TBX3: variants seen among roughly 807,000 people sequenced by gnomAD.
TBX3 encodes the protein T-box transcription factor 3, also known as T-box transcription factor TBX3.
In TBX3, 11 loss-of-function variants were observed where a neutral mutation model predicts 47.8. The observed-to-expected ratio is 0.23, with a 90% CI of 0.14 to 0.38. The LOEUF (loss-of-function observed/expected upper bound fraction) is 0.38. Among genes scored for constraint, TBX3 ranks in the 10% least tolerant of loss-of-function variants. The pLI, the probability that TBX3 is intolerant of heterozygous loss-of-function variation, is 1.00. For missense variants in TBX3, 927 were observed against 1,022.8 expected, an observed-to-expected ratio of 0.91 and a Z score of 1.28; for synonymous variants, 500 against 449.3, an observed-to-expected ratio of 1.11 and a Z score of -1.43.
At position 114,681,182 on chromosome 12, in the gene TBX3, T is replaced by G. The variant is rs375351526; in HGVS notation, c.390-36A>C. 3 of 1,612,664 alleles carry G rather than the reference T, an allele frequency of 1.9e-6. No homozygotes were observed. In the African/African-American group the frequency reaches 4.0e-5, roughly 22 times the overall value. On this transcript the variant is annotated intron_variant, in intron 1 of 6. Transcript: ENST00000349155. ...AAAGAATAGAAAAGAAAAAGAAAGA[T>G]AAACCACCCGTAATCTTGGGTTTGA...
chr12:114,672,092 G>A lies in TBX3; in HGVS notation c.1921C>T (p.Pro641Ser), dbSNP rs2121376374. The change falls in exon 7 of 7, where the codon CCC becomes TCC. Residue 641 changes from proline (P) to serine (S), a missense_variant. By Grantham distance (74) the Pro-to-Ser change is moderately conservative. Coordinates refer to ENST00000349155, the MANE Select transcript of TBX3 (RefSeq NM_005996.4). ...GGCCCCGCGGCCGCCGCCATGGAGGGCAGGGCGGTGGTGAGCAGACTGCTG... is the reference window on the plus strand; with the variant it reads ...GGCCCCGCGGCCGCCGCCATGGAGGACAGGGCGGTGGTGAGCAGACTGCTG... ...DGSSLLTTALPSMAAAAGPLD... is the reference protein window; with the variant it reads ...DGSSLLTTALSSMAAAAGPLD... 6.4e-7 allele frequency: 1 copy of A among 1,568,642 alleles called. No homozygotes were observed. The highest frequency in any genetic ancestry group is 8.6e-7 in the Non-Finnish European group (1 of 1,157,050).
intron 2 of TBX3, chr12:114,679,915 G>A: frequency 6.2e-7 from 1 of 1,614,008 alleles, no homozygotes; most frequent in Non-Finnish European, 8.5e-7. Context: ...TAGCCTACCT[G>A]AGTACCAAAA....
Position 114,683,384 on chromosome 12 carries a change from G to C in TBX3, c.-184C>G. ...CTAATGCACTTCAAAGGGAGGAGGG[G>C]AAGTGTCTTTTGGAGAATGGGAGGC... On this transcript the variant is annotated 5_prime_UTR_variant, in exon 1 of 7. Transcript: ENST00000349155. This position sits in a 1 kb window ranked among gnomAD's most constrained non-coding sequence, Gnocchi z 7.7. The C allele has an allele frequency of 2.5e-6, 2 of 801,516 alleles. No individual in the cohort carries two copies. Among genetic ancestry groups the C allele is most frequent in the Non-Finnish European group, 3.8e-6 (2 of 526,538 alleles). The allele number at this position is 801,516 out of a possible 1,614,324, so 49.7% of individuals were successfully genotyped here.
rs2121382831 is a variant in TBX3, at chr12:114,674,390, C to G, written c.1485G>C (p.Gly495=). The change falls in exon 6 of 7, where the codon GGG becomes GGC. Residue 495 remains glycine, a synonymous_variant. Transcript: ENST00000349155. ...PGLAGQQFFN[G]HPLFLHPSQF... ...GGCTGGGGTGCAGGAAGAGCGGGTG[C>G]CCGTTGAAGAACTGTTGGCCCGCCA... 1 of 1,552,362 alleles carries G rather than the reference C, an allele frequency of 6.4e-7. No homozygotes were observed. The highest frequency in any genetic ancestry group is 1.2e-5 in the South Asian group (1 of 84,210).
rs989463404 is a variant in TBX3, at chr12:114,671,421, T to A, written c.*420A>T. On this transcript the variant is annotated 3_prime_UTR_variant, in exon 7 of 7. Transcript: ENST00000349155. ...ATGTTAATGTGTTCACTTGTCCCGA[T>A]TTTTTTTTTGAAAGATTTTGTTTTT... 3.2e-5 allele frequency: 8 copies of A among 250,114 alleles called. No homozygotes were observed. The allele number at this position is 250,114 out of a possible 1,614,324, so 15.5% of individuals were successfully genotyped here.
rs1869071596 is a variant in TBX3 at position 114,683,946 on chromosome 12, C to G, written c.-746G>C. ...ATCCAAATCTTGCTGGGCTCTTCTC[C>G]CGTGCCTCTCTCTCTTCCTTGTCCT... On this transcript the variant is annotated 5_prime_UTR_variant, in exon 1 of 7. Coordinates refer to ENST00000349155, the MANE Select transcript of TBX3 (RefSeq NM_005996.4). The surrounding 1 kb of genome is among the most constrained non-coding windows in gnomAD (Gnocchi z 7.7). 1 of 231,678 alleles carries G rather than the reference C, an allele frequency of 4.3e-6. No homozygotes were observed. Among genetic ancestry groups the G allele is most frequent in the Admixed American group, 5.6e-5 (1 of 17,722 alleles). The allele number at this position is 231,678 out of a possible 1,614,324, so 14.4% of individuals were successfully genotyped here.
chr12:114,679,680 A>G (rs1472549440), intron 2 of TBX3, 29 bp from the exon 3 acceptor site: 2 of 1,614,100 alleles, frequency 1.2e-6, no homozygotes, highest in East Asian at 2.2e-5. Flanking sequence ...GGAGACATAC[A>G]TAAAACAAGG....
intron 6 of TBX3, 141 bp from the exon 7 acceptor site, chr12:114,672,443 T>TA: frequency 2.0e-6 from 1 of 495,046 alleles, no homozygotes; most frequent in Non-Finnish European, 3.1e-6. Flanking sequence ...TGTGTTTTTT[T>TA]TTTTGGGGGG....
rs1868408521 is a variant in TBX3, at chr12:114,671,265, A to G, written c.*576T>C. ...AAAACATCACAAGAATATTAAAAAG[A>G]CACAGATTTTCTTAATATAGACTAA... On this transcript the variant is annotated 3_prime_UTR_variant, in exon 7 of 7. Transcript: ENST00000349155. 1 of 233,240 alleles carries G rather than the reference A, an allele frequency of 4.3e-6. No homozygotes were observed. The highest frequency in any genetic ancestry group is 1.8e-4 in the South Asian group (1 of 5,706). 14.4% of individuals were successfully genotyped at this position (233,240 alleles called of 1,614,324 possible). A position where few individuals can be genotyped will look rare whatever the true frequency, so the allele number is the denominator to read the frequency against.
Position 114,672,248 on chromosome 12 carries a change from CCATGTA to C in TBX3, c.1759_1764del (p.Tyr587_Met588del). 6.3e-7 allele frequency: 1 copy of C among 1,575,620 alleles called. No homozygotes were observed. Among genetic ancestry groups the C allele is most frequent in the Non-Finnish European group, 8.6e-7 (1 of 1,161,524 alleles). On this transcript the variant is annotated inframe_deletion, in exon 7 of 7. Coordinates refer to ENST00000349155, the MANE Select transcript of TBX3 (RefSeq NM_005996.4). ...GCAGAGGAGGCGGCCGCCGCTGCGG[CCATGTA>C]CGTGTAGGGGTAAGGGAACAGGCTT...
intron 2 of TBX3, chr12:114,679,943 C>T (rs145342138): frequency 1.4e-5 from 23 of 1,613,950 alleles, no homozygotes; most frequent in Middle Eastern, 3.3e-4. Flanking sequence ...TCCCCTGCCA[C>T]GTAGCGTGAT....
rs1868430325 is a variant in TBX3 at position 114,671,656 on chromosome 12, A to T, written c.*185T>A. ...AATCTGATCCAGATCCCGGACATAT[A>T]AACCACGCCAAGAAGACAGGGGCTG... is the stretch of plus-strand genomic sequence containing the variant. On this transcript the variant is annotated 3_prime_UTR_variant, in exon 7 of 7. Coordinates refer to ENST00000349155, the MANE Select transcript of TBX3 (RefSeq NM_005996.4). 3 of 737,244 alleles carry T rather than the reference A, an allele frequency of 4.1e-6. No individual in the cohort carries two copies. The highest frequency in any genetic ancestry group is 6.7e-6 in the Non-Finnish European group (3 of 445,166). 45.7% of individuals were successfully genotyped at this position (737,244 alleles called of 1,614,324 possible). A position where few individuals can be genotyped will look rare whatever the true frequency, so the allele number is the denominator to read the frequency against.
Position 114,672,106 on chromosome 12 carries a change from A to G in TBX3, c.1907T>C (p.Leu636Pro). The change falls in exon 7 of 7, where the codon CTC becomes CCC. Residue 636 changes from leucine to proline, a missense_variant. Transcript: ENST00000349155. ...PVPVPDGSSL[L>P]TTALPSMAAA... ...CGCCATGGAGGGCAGGGCGGTGGTG[A>G]GCAGACTGCTGCCGTCCGGGACCGG... is the stretch of plus-strand genomic sequence containing the variant. 1 of 1,569,204 alleles carries G rather than the reference A, an allele frequency of 6.4e-7. No homozygotes were observed. The highest frequency in any genetic ancestry group is 8.6e-7 in the Non-Finnish European group (1 of 1,157,314).
At position 114,676,333 on chromosome 12, in the gene TBX3, A is replaced by G; in HGVS notation, c.1019T>C (p.Val340Ala). ...TTTACCTTTGAGGTTCGATGTCCCT[A>G]CAGTGGAGGCGGCTGGAGAAGAAGC... Reference protein sequence around the residue: ...AQASSPAASTVGTSNLKDLCP... With the variant: ...AQASSPAASTAGTSNLKDLCP... Residue 340 changes from valine to alanine, a missense_variant, in exon 5 of 7, where the codon GTA (valine) becomes GCA (alanine). Val to Ala is a moderately conservative substitution (Grantham distance 64). Around this residue, in one of 5 missense-constraint regions of TBX3, gnomAD observed 44 missense variants for 59.3 expected, o/e 0.74. Transcript: ENST00000349155. 1 of 1,614,042 alleles carries G rather than the reference A, an allele frequency of 6.2e-7. No homozygotes were observed. The highest frequency in any genetic ancestry group is 1.1e-5 in the South Asian group (1 of 91,070).
In TBX3 at chr12:114,681,163, T is replaced by G. The variant is rs377527643; in HGVS notation, c.390-17A>C. On this transcript the variant is annotated splice_polypyrimidine_tract_variant and intron_variant, in intron 1 of 6. Transcript: ENST00000349155. Reference sequence around the variant, plus strand: ...AACATTCGCCTATAAAACGAAAGAATAGAAAAGAAAAAGAAAGATAAACCA... The same window carrying G: ...AACATTCGCCTATAAAACGAAAGAAGAGAAAAGAAAAAGAAAGATAAACCA... 8 of 1,613,496 alleles carry G rather than the reference T, an allele frequency of 5.0e-6. No homozygotes were observed. The African/African-American group carries it at 1.1e-4, about 22-fold the overall frequency.
chr12:114,674,673 C>T lies in TBX3; in HGVS notation c.1202G>A (p.Arg401Gln), dbSNP rs760646591. The change falls in exon 6 of 7, where the codon CGG (arginine) becomes CAG (glutamine). Residue 401 changes from arginine (R) to glutamine (Q), a missense_variant. Around this residue, in one of 5 missense-constraint regions of TBX3, gnomAD observed 623 missense variants for 569.0 expected, o/e 1.09. Coordinates refer to ENST00000349155, the MANE Select transcript of TBX3 (RefSeq NM_005996.4). ...AVKAHLFAAE[R>Q]PRDSGRLDKA... ...GTCCAGCCGCCCGCTGTCCCGGGGC[C>T]GCTCAGCAGCGAAAAGGTGAGCCTT... 6.2e-7 allele frequency: 1 copy of T among 1,607,378 alleles called. No homozygotes were observed. The highest frequency in any genetic ancestry group is 8.5e-7 in the Non-Finnish European group (1 of 1,179,124).
chr12:114,674,411 C>G lies in TBX3; in HGVS notation c.1464G>C (p.Ala488=), dbSNP rs1046047463. ...LPGLGFAPGL[A]GQQFFNGHPL... The stretch of plus-strand genomic sequence containing the variant: ...GGTGCCCGTTGAAGAACTGTTGGCC[C>G]GCCAGGCCCGGGGCGAAGCCGAGGC... The change falls in exon 6 of 7, where the codon GCG becomes GCC. Residue 488 remains alanine, a synonymous_variant. Transcript: ENST00000349155. 1.3e-6 allele frequency: 2 copies of G among 1,550,510 alleles called. No homozygotes were observed. Among genetic ancestry groups the G allele is most frequent in the African/African-American group, 2.7e-5 (2 of 73,052 alleles).
chr12:114,672,447 T>TG lies in TBX3; in HGVS notation c.1711-146dup, dbSNP rs3830417. The TG allele has an allele frequency of 8.5e-4, 375 of 438,756 alleles. 4 individuals carry two copies. The highest frequency in any genetic ancestry group is 7.1e-3 in the East Asian group (146 of 20,700). The allele number at this position is 438,756 out of a possible 1,614,324, so 27.2% of individuals were successfully genotyped here. ...GTTGTTGTTGTTGTGTTTTTTTTTT[T>TG]GGGGGGGGAGATAGGTGGGGGCAGG... On this transcript the variant is annotated intron_variant, in intron 6 of 6. Transcript: ENST00000349155.
rs1868375462 is a variant in TBX3, at chr12:114,670,657, TC to T, written c.*1183del. The T allele has an allele frequency of 4.7e-6, 1 of 212,990 alleles. No homozygotes were observed. Among genetic ancestry groups the T allele is most frequent in the Non-Finnish European group, 9.5e-6 (1 of 105,488 alleles). The allele number at this position is 212,990 out of a possible 1,614,324, so 13.2% of individuals were successfully genotyped here. On this transcript the variant is annotated 3_prime_UTR_variant, in exon 7 of 7. Coordinates refer to ENST00000349155, the MANE Select transcript of TBX3 (RefSeq NM_005996.4). ...TTGGTGAAAATAGGAAATAGCACTT[TC>T]CCCCACTTTTGGACATTAAAAAAGA...
Sources: allele counts gnomAD v4.1 joint callset, GRCh38; gene constraint gnomAD v4.1.1; regional missense constraint gnomAD v4.1.1; non-coding constraint Gnocchi (gnomAD v3.1); transcripts MANE v1.5; gene names NCBI Gene and HGNC (gene_info 2026-07-23, HGNC 2026-07-21).